YAP1: variants seen among roughly 807,000 people sequenced by gnomAD.
The protein encoded by YAP1 is Yes1 associated transcriptional regulator.
A neutral mutation model predicts 56.9 loss-of-function variants in YAP1; 5 were observed. That is an observed-to-expected ratio of 0.09 (90% CI 0.05 to 0.18). The LOEUF (loss-of-function observed/expected upper bound fraction) is 0.18, where lower values mean the gene tolerates loss of function less well. Ranked by LOEUF, YAP1 falls within the 10% of genes least tolerant of loss-of-function variation. The pLI, the probability that YAP1 is intolerant of heterozygous loss-of-function variation, is 1.00. For synonymous variants in YAP1, 265 were observed against 248.1 expected, an observed-to-expected ratio of 1.07 and a Z score of -0.64; for missense variants, 539 against 651.8, an observed-to-expected ratio of 0.83 and a Z score of 1.88.
At chr11:102,112,659 T>C in intron 1 of YAP1, 1 of 985,272 alleles carries the variant, frequency 1.0e-6, no homozygotes, top group Non-Finnish European at 1.2e-6. Flanking sequence ...AAAAATCACT[T>C]AACCTGATGA....
intron 2 of YAP1, among the ~76,000 whole-genome samples, chr11:102,155,453 T>C (rs781649584): frequency 4.6e-5 from 7 of 152,232 alleles, no homozygotes; most frequent in Non-Finnish European, 8.8e-5. Flanking sequence ...TTGTAGATGA[T>C]TGAAGACATT....
At chr11:102,115,434 A>G (rs920791490) in intron 2 of YAP1, among the ~76,000 whole-genome samples, 3 of 152,098 alleles carry the variant, frequency 2.0e-5, no homozygotes, top group African/African-American at 7.2e-5. Flanking sequence ...GAATCCTAGT[A>G]TGTGTTTTAT....
In YAP1 at chr11:102,173,447, T is replaced by A. The variant is rs934117977; in HGVS notation, c.688+10876T>A. ...TCCAAATATCTCATTTTCTTATATTTAAAGCTACTTCCTTAGGTATAGTAT... is the reference window on the plus strand; with the variant it reads ...TCCAAATATCTCATTTTCTTATATTAAAAGCTACTTCCTTAGGTATAGTAT... On this transcript the variant is annotated intron_variant, in intron 3 of 8. Coordinates refer to ENST00000282441, the MANE Select transcript of YAP1 (RefSeq NM_001130145.3). Among the ~76,000 whole-genome samples, 3 of 152,198 alleles carry A rather than the reference T, an allele frequency of 2.0e-5. No individual in the cohort carries two copies. In the East Asian group the frequency reaches 5.8e-4, roughly 29 times the overall value.
intron 2 of YAP1, among the ~76,000 whole-genome samples, chr11:102,158,723 A>C (rs1245150831): frequency 6.6e-6 from 1 of 152,244 alleles, no homozygotes; most frequent in East Asian, 1.9e-4. Context: ...CTAACCTCCT[A>C]CTAGTGCTTT....
intron 3 of YAP1, among the ~76,000 whole-genome samples, chr11:102,170,283 T>C (rs1014601485): frequency 6.6e-6 from 1 of 152,232 alleles, no homozygotes; most frequent in South Asian, 2.1e-4. Flanking sequence ...TTCATTATGC[T>C]GAGATGTGGG....
chr11:102,154,739 C>T (rs1340445977), intron 2 of YAP1, among the ~76,000 whole-genome samples: 2 of 152,030 alleles, frequency 1.3e-5, no homozygotes, highest in Admixed American at 1.3e-4. Context: ...TTTATTTAGC[C>T]AAGGGTTCCC....
At chr11:102,228,049 CAAAA>C (rs35908272) in intron 8 of YAP1, among the ~76,000 whole-genome samples, 3 of 111,566 alleles carry the variant, frequency 2.7e-5, no homozygotes, top group Non-Finnish European at 3.8e-5. Context: ...GACCTCTTCT[CAAAA>C]AAAAAAAAAA....
chr11:102,193,653 AT>A (rs1948415753), intron 4 of YAP1, among the ~76,000 whole-genome samples: 3 of 152,260 alleles, frequency 2.0e-5, no homozygotes, highest in Middle Eastern at 3.4e-3. Context: ...GTGAAGAAAC[AT>A]TTTTATCTTT....
intron 2 of YAP1, among the ~76,000 whole-genome samples, chr11:102,137,106 C>T (rs575046316): frequency 6.6e-6 from 1 of 152,252 alleles, no homozygotes; most frequent in Admixed American, 6.5e-5. Flanking sequence ...AAACATCTGT[C>T]TCCTTTGCCC....
chr11:102,114,721 A>G (rs1449165624), intron 2 of YAP1, among the ~76,000 whole-genome samples: 1 of 152,220 alleles, frequency 6.6e-6, no homozygotes, highest in Non-Finnish European at 1.5e-5. Flanking sequence ...AAAGAATACC[A>G]TGAAAATTTT....
chr11:102,125,637 C>T (rs1943991493), intron 2 of YAP1, among the ~76,000 whole-genome samples: 1 of 152,046 alleles, frequency 6.6e-6, no homozygotes, highest in Non-Finnish European at 1.5e-5. Flanking sequence ...CCTCAGCCTC[C>T]CAAAGTGCTG....
At chr11:102,200,256 G>C (rs1228268392) in intron 4 of YAP1, among the ~76,000 whole-genome samples, 2 of 152,150 alleles carry the variant, frequency 1.3e-5, no homozygotes, top group African/African-American at 4.8e-5. Context: ...GTTAGCATAT[G>C]GAAGAAGATA....
intron 8 of YAP1, 122 bp downstream of exon 8, chr11:102,227,703 T>C: frequency 1.5e-6 from 1 of 672,522 alleles, no homozygotes; most frequent in Non-Finnish European, 2.6e-6. Flanking sequence ...CCTGTAAATT[T>C]GAATTAAATT....
intron 1 of YAP1, among the ~76,000 whole-genome samples, chr11:102,111,469 G>C (rs1188147787): frequency 6.7e-6 from 1 of 150,264 alleles, no homozygotes; most frequent in Non-Finnish European, 1.5e-5. Context: ...CGGGGTTCCC[G>C]AGAGGTTGGC....
intron 2 of YAP1, among the ~76,000 whole-genome samples, chr11:102,119,380 T>G (rs570647903): frequency 3.3e-5 from 5 of 152,256 alleles, no homozygotes; most frequent in African/African-American, 1.2e-4. Context: ...AGAACTTCTT[T>G]GCATTATTTA....
intron 3 of YAP1, among the ~76,000 whole-genome samples, chr11:102,180,681 CAAAA>C (rs58820066): frequency 1.9e-4 from 8 of 42,608 alleles, no homozygotes; most frequent in Admixed American, 2.7e-4. Flanking sequence ...GACTCCATCT[CAAAA>C]AAAAAAAAAA....
At chr11:102,158,858 A>G (rs1180524940) in intron 2 of YAP1, among the ~76,000 whole-genome samples, 1 of 152,238 alleles carries the variant, frequency 6.6e-6, no homozygotes, top group Non-Finnish European at 1.5e-5. Context: ...AATAAGGGTT[A>G]TAGATTCAGC....
intron 2 of YAP1, among the ~76,000 whole-genome samples, chr11:102,152,660 T>A (rs149547516): frequency 2.0e-5 from 3 of 152,346 alleles, no homozygotes; most frequent in African/African-American, 7.2e-5. Context: ...TTTATTTGCT[T>A]AATCACCAAA....
intron 2 of YAP1, among the ~76,000 whole-genome samples, chr11:102,128,377 T>TA: frequency 6.6e-6 from 1 of 152,266 alleles, no homozygotes; most frequent in South Asian, 2.1e-4. Context: ...CTGATGGGTT[T>TA]ATCAGGGGTT....
Sources: allele counts gnomAD v4.1 joint callset (sites outside exome capture counted in the v4.1 genomes callset), GRCh38; gene constraint gnomAD v4.1.1; transcripts MANE v1.5; gene names NCBI Gene and HGNC (gene_info 2026-07-23, HGNC 2026-07-21).